Variants in GINM1 observed in about 807,000 individuals in gnomAD.
GINM1 encodes the protein glycosylated integral membrane protein 1, also known as glycoprotein integral membrane protein 1.
Under a neutral mutation model 37.8 loss-of-function variants are expected in GINM1, and 29 were observed. The ratio of observed to expected loss-of-function variants is 0.77; its 90% CI spans 0.57 to 1.05. The LOEUF (loss-of-function observed/expected upper bound fraction) is 1.05. Among genes scored for constraint, GINM1 ranks in the 50% least tolerant of loss-of-function variants. The pLI is 0.00. For synonymous variants in GINM1, 143 were observed against 146.2 expected (o/e 0.98, Z 0.16); for missense variants, 377 against 397.9 (o/e 0.95, Z 0.45).
At chr6:149,577,640 C>T (rs1777934176) in intron 3 of GINM1, 1 of 152,214 alleles carries the variant, frequency 6.6e-6, no homozygotes, top group Non-Finnish European at 1.5e-5. Context: ...AGTTAATGAA[C>T]TAGATATTGA....
In GINM1 at chr6:149,590,790, T is replaced by G; in HGVS notation, c.945T>G (p.Asp315Glu). ...IPVTAINLYP[D>E]GPEKRAENLE... ...TGACAGCTATCAACTTATATCCAGA[T>G]GGTCCAGAGAAAAGAGCTGAAAACC... The change falls in exon 8 of 8, where the codon GAT becomes GAG. Residue 315 changes from aspartate (D) to glutamate (E), a missense_variant. Physicochemically the swap from Asp to Glu is conservative, Grantham distance 45. Transcript: ENST00000367419. 6.2e-7 allele frequency: 1 copy of G among 1,605,884 alleles called. No homozygotes were observed. Among genetic ancestry groups the G allele is most frequent in the Non-Finnish European group, 8.5e-7 (1 of 1,172,830 alleles).
chr6:149,585,337 T>C (rs1778053941), intron 7 of GINM1, among the ~76,000 whole-genome samples: 1 of 152,212 alleles, frequency 6.6e-6, no homozygotes, highest in African/African-American at 2.4e-5. Context: ...TCAATTCTTA[T>C]TCTACCTAGA....
intron 7 of GINM1, among the ~76,000 whole-genome samples, chr6:149,589,580 A>AT (rs1778122973): frequency 6.6e-6 from 1 of 151,986 alleles, no homozygotes. Context: ...GCCAAAATTT[A>AT]TTTTTTAGCA....
chr6:149,579,086 A>G (rs1386032371), intron 4 of GINM1, 113 bp downstream of exon 4: 1 of 558,316 alleles, frequency 1.8e-6, no homozygotes, highest in Non-Finnish European at 3.0e-6. Context: ...AAGGTGCCTA[A>G]TGTTGCCTAT....
At chr6:149,571,359 A>G (rs558572239) in intron 1 of GINM1, among the ~76,000 whole-genome samples, 2 of 152,296 alleles carry the variant, frequency 1.3e-5, no homozygotes, top group African/African-American at 4.8e-5. Context: ...ATAAAAGGAA[A>G]AAAGTTGGAA....
chr6:149,566,475 G>T lies in GINM1; in HGVS notation c.61G>T (p.Ala21Ser). The change falls in exon 1 of 8, where the codon GCC becomes TCC. Residue 21 changes from alanine (A) to serine (S), a missense_variant. By Grantham distance (99) the Ala-to-Ser change is moderately conservative. Coordinates refer to ENST00000367419, the MANE Select transcript of GINM1 (RefSeq NM_138785.5). The surrounding 1 kb of genome is among the most constrained non-coding windows in gnomAD (Gnocchi z 4.4). ...GCTCCTGCTGTTCGTGGCGCTACCC[G>T]CCTCCGGCTGGCTGACGACGGGCGC... ...LRLLLFVALP[A>S]SGWLTTGAPE... is the part of the protein sequence containing the mutation. 9.0e-6 allele frequency: 14 copies of T among 1,559,460 alleles called. No homozygotes were observed. The highest frequency in any genetic ancestry group is 1.2e-5 in the Non-Finnish European group (14 of 1,163,830).
At chr6:149,582,344 T>C in intron 6 of GINM1, 96 bp from the exon 7 acceptor site, 2 of 1,053,646 alleles carry the variant, frequency 1.9e-6, no homozygotes, top group Non-Finnish European at 2.9e-6. Context: ...AAATATAGAA[T>C]ATTTTTATCA....
chr6:149,582,203 T>C (rs981780934), intron 6 of GINM1: 5 of 575,926 alleles, frequency 8.7e-6, no homozygotes, highest in African/African-American at 7.5e-5. Flanking sequence ...TTTTTGTGCT[T>C]GTATTGTTAG....
chr6:149,574,772 G>T (rs1195126430), intron 3 of GINM1, among the ~76,000 whole-genome samples: 1 of 152,162 alleles, frequency 6.6e-6, no homozygotes, highest in African/African-American at 2.4e-5. Flanking sequence ...GGAGGCTGAG[G>T]TGAAAGGATC....
intron 3 of GINM1, among the ~76,000 whole-genome samples, chr6:149,574,129 C>T (rs957878267): frequency 1.3e-5 from 2 of 150,026 alleles, no homozygotes; most frequent in African/African-American, 2.5e-5. Flanking sequence ...CGGCTCCCTG[C>T]AACCTCCTCC....
At chr6:149,571,474 C>T (rs1029261618) in intron 1 of GINM1, among the ~76,000 whole-genome samples, 2 of 151,974 alleles carry the variant, frequency 1.3e-5, no homozygotes, top group African/African-American at 2.4e-5. Flanking sequence ...ACTACAGTTA[C>T]GGAAGAATAC....
At chr6:149,572,396 CTTAT>C in intron 2 of GINM1, 52 bp downstream of exon 2, 1 of 1,353,242 alleles carries the variant, frequency 7.4e-7, no homozygotes, top group Non-Finnish European at 1.0e-6. Flanking sequence ...TGCTATGCAG[CTTAT>C]TTGATTTTTT....
chr6:149,573,347 A>AGAGGTTCACTT (rs77099149), intron 3 of GINM1, among the ~76,000 whole-genome samples: 1 of 151,676 alleles, frequency 6.6e-6, no homozygotes, highest in Non-Finnish European at 1.5e-5. Context: ...CACTGAAGCA[A>AGAGGTTCACTT]GATCCCAGGA....
intron 3 of GINM1, chr6:149,576,337 G>A (rs1041579708): frequency 3.3e-5 from 5 of 152,170 alleles, no homozygotes; most frequent in African/African-American, 9.7e-5. Context: ...TAGCTTCATC[G>A]AGAGGACAAG....
At chr6:149,586,181 C>T (rs1457294492) in intron 7 of GINM1, among the ~76,000 whole-genome samples, 5 of 152,150 alleles carry the variant, frequency 3.3e-5, no homozygotes, top group African/African-American at 9.7e-5. Context: ...AAGCATGGTG[C>T]TGCCATCAGC....
chr6:149,573,526 T>C (rs1271956554), intron 3 of GINM1, among the ~76,000 whole-genome samples: 1 of 152,182 alleles, frequency 6.6e-6, no homozygotes, highest in Admixed American at 6.5e-5. Context: ...GCATATTCAC[T>C]ATTTTCCATA....
At chr6:149,579,535 A>G (rs1777966047) in intron 4 of GINM1, among the ~76,000 whole-genome samples, 1 of 152,184 alleles carries the variant, frequency 6.6e-6, no homozygotes, top group Non-Finnish European at 1.5e-5. Flanking sequence ...TCTACTAAAA[A>G]TACAAAGTTA....
In GINM1 at chr6:149,578,819, TAG is replaced by T. The variant is rs1301876796; in HGVS notation, c.278-2_278-1del. ...AAAGGTGTCACTACTTTTTTTTTTATAGTGAAGAATGAAAATCTTGAAAATTT... is the reference window on the plus strand; with the variant it reads ...AAAGGTGTCACTACTTTTTTTTTTATTGAAGAATGAAAATCTTGAAAATTT... On this transcript the variant is annotated splice_acceptor_variant, in intron 3 of 7. Transcript: ENST00000367419. LOFTEE classifies it high-confidence loss of function. 4.5e-6 allele frequency: 7 copies of T among 1,550,378 alleles called. No individual in the cohort carries two copies. The Admixed American group carries it at 9.2e-5, about 20-fold the overall frequency.
intron 3 of GINM1, among the ~76,000 whole-genome samples, chr6:149,578,535 A>G (rs1452935603): frequency 6.7e-6 from 1 of 150,182 alleles, no homozygotes; most frequent in Non-Finnish European, 1.5e-5. Flanking sequence ...CAAAAAAAAA[A>G]AAAAAAAAAA....
Sources: allele counts gnomAD v4.1 joint callset (sites outside exome capture counted in the v4.1 genomes callset), GRCh38; gene constraint gnomAD v4.1.1; non-coding constraint Gnocchi (gnomAD v3.1); transcripts MANE v1.5; gene names NCBI Gene and HGNC (gene_info 2026-07-23, HGNC 2026-07-21).